PRKCA: variants seen among roughly 807,000 people sequenced by gnomAD.
PRKCA encodes protein kinase C alpha.
Under a neutral mutation model 87.0 loss-of-function variants are expected in PRKCA, and 27 were observed. The ratio of observed to expected loss-of-function variants is 0.31; its 90% CI spans 0.23 to 0.43. The LOEUF (loss-of-function observed/expected upper bound fraction) is 0.43, where lower values mean the gene tolerates loss of function less well. Ranked by LOEUF, PRKCA falls within the 20% of genes least tolerant of loss-of-function variation. The pLI, the probability that PRKCA is intolerant of heterozygous loss-of-function variation, is 1.00. For missense variants in PRKCA, 518 were observed against 852.3 expected (o/e 0.61, Z 4.88); for synonymous variants, 329 against 311.1 (o/e 1.06, Z -0.61).
At chr17:66,514,167 T>C (rs930127287) in intron 3 of PRKCA, among the ~76,000 whole-genome samples, 1 of 152,190 alleles carries the variant, frequency 6.6e-6, no homozygotes, top group Admixed American at 6.5e-5. Context: ...GGTATGTACA[T>C]ATAGGAAAAA....
intron 8 of PRKCA, among the ~76,000 whole-genome samples, chr17:66,731,978 C>T (rs796552611): frequency 1.3e-5 from 2 of 151,138 alleles, no homozygotes; most frequent in African/African-American, 2.4e-5. Flanking sequence ...TTGGTAGAGA[C>T]GGGGTTTCAC....
chr17:66,573,187 C>T (rs1969129186), intron 3 of PRKCA, among the ~76,000 whole-genome samples: 2 of 152,290 alleles, frequency 1.3e-5, no homozygotes, highest in South Asian at 2.1e-4. Flanking sequence ...AGCAGCTCCT[C>T]TCTCAAGGTG....
At chr17:66,765,454 A>ATATATATATATATATATATCTATC (rs1218360664) in intron 13 of PRKCA, among the ~76,000 whole-genome samples, 1 of 130,090 alleles carries the variant, frequency 7.7e-6, no homozygotes, top group African/African-American at 2.9e-5. Context: ...ATATATATAT[A>ATATATATATATATATATATCTATC]TCCATATATA....
chr17:66,701,014 G>A (rs1470646100), intron 8 of PRKCA, among the ~76,000 whole-genome samples: 3 of 152,070 alleles, frequency 2.0e-5, no homozygotes, highest in Non-Finnish European at 4.4e-5. Flanking sequence ...GAGCAAGAAG[G>A]ACGGAGGTAT....
In PRKCA at chr17:66,755,246, C is replaced by A. The variant is rs139432236; in HGVS notation, c.1524+12486C>A. ...GCAGAAAATCGCACCCCACGCCCCC[C>A]CAGTGCACATTCCAGACTTGGAGAA... On this transcript the variant is annotated intron_variant, in intron 13 of 16. Coordinates refer to ENST00000413366, the MANE Select transcript of PRKCA (RefSeq NM_002737.3). Among the ~76,000 whole-genome samples, 41 of 152,344 alleles carry A rather than the reference C, an allele frequency of 2.7e-4. No homozygotes were observed. The East Asian group carries it at 4.1e-3, about 15-fold the overall frequency.
At chr17:66,755,965 C>A (rs756039908) in intron 13 of PRKCA, among the ~76,000 whole-genome samples, 1 of 152,162 alleles carries the variant, frequency 6.6e-6, no homozygotes, top group Non-Finnish European at 1.5e-5. Flanking sequence ...TTACAACTTA[C>A]CAGAACAGAA....
chr17:66,545,893 T>C (rs184043967), intron 3 of PRKCA, among the ~76,000 whole-genome samples: 19 of 152,352 alleles, frequency 1.2e-4, no homozygotes, highest in Admixed American at 5.2e-4. Context: ...AAATTAGATT[T>C]TGTATGAGAA....
chr17:66,398,830 C>A (rs1178457341), intron 2 of PRKCA, among the ~76,000 whole-genome samples: 1 of 152,158 alleles, frequency 6.6e-6, no homozygotes, highest in Admixed American at 6.5e-5. Context: ...CAATTAGGAT[C>A]CTGCTGCTGC....
At chr17:66,574,751 A>G (rs1969182015) in intron 3 of PRKCA, among the ~76,000 whole-genome samples, 2 of 152,280 alleles carry the variant, frequency 1.3e-5, no homozygotes, top group East Asian at 3.9e-4. Flanking sequence ...CTAAATTCCA[A>G]GCACTTCTGG....
intron 3 of PRKCA, among the ~76,000 whole-genome samples, chr17:66,595,663 A>G (rs959349533): frequency 5.3e-4 from 80 of 151,864 alleles, no homozygotes; most frequent in African/African-American, 1.8e-3. Context: ...GGGTTTCACC[A>G]TGTTAGCTAG....
At chr17:66,722,254 G>A (rs1216059184) in intron 8 of PRKCA, among the ~76,000 whole-genome samples, 1 of 152,162 alleles carries the variant, frequency 6.6e-6, no homozygotes, top group Non-Finnish European at 1.5e-5. Flanking sequence ...TGCTGTTAAG[G>A]TGGGTTAGAC....
intron 2 of PRKCA, among the ~76,000 whole-genome samples, chr17:66,345,668 G>T (rs189395777): frequency 1.6e-4 from 25 of 152,164 alleles, no homozygotes; most frequent in African/African-American, 6.0e-4. Context: ...CCTGATTATT[G>T]ACTTATTTCT....
intron 3 of PRKCA, among the ~76,000 whole-genome samples, chr17:66,628,050 C>G (rs532942009): frequency 2.6e-5 from 4 of 152,246 alleles, no homozygotes; most frequent in Non-Finnish European, 5.9e-5. Context: ...GGAGAAAAAC[C>G]AAGGATTAAC....
chr17:66,371,899 G>T (rs1182757373), intron 2 of PRKCA, among the ~76,000 whole-genome samples: 7 of 152,156 alleles, frequency 4.6e-5, no homozygotes, highest in Admixed American at 4.6e-4. Flanking sequence ...CGTATTATAG[G>T]CGTCTCATAT....
At chr17:66,438,190 G>C (rs137903717) in intron 2 of PRKCA, among the ~76,000 whole-genome samples, 125 of 152,270 alleles carry the variant, frequency 8.2e-4, no homozygotes, top group African/African-American at 2.6e-3. Context: ...AAGACCTGCA[G>C]GATTAAAGGA....
Position 66,804,973 on chromosome 17 carries a change from G to C in PRKCA, c.*936G>C. 1.0e-6 allele frequency: 1 copy of C among 984,572 alleles called. No individual in the cohort carries two copies. The highest frequency in any genetic ancestry group is 1.2e-6 in the Non-Finnish European group (1 of 828,930). The allele number at this position is 984,572 out of a possible 1,614,324, so 61.0% of individuals were successfully genotyped here. A position where few individuals can be genotyped will look rare whatever the true frequency, so the allele number is the denominator to read the frequency against. Reference sequence around the variant, plus strand: ...GTTATCCTTCTCAAGAAGCTGAAGTGTACGCCCTCTCCCCTTTTGTGCTTA... The same window carrying C: ...GTTATCCTTCTCAAGAAGCTGAAGTCTACGCCCTCTCCCCTTTTGTGCTTA... On this transcript the variant is annotated 3_prime_UTR_variant, in exon 17 of 17. Coordinates refer to ENST00000413366, the MANE Select transcript of PRKCA (RefSeq NM_002737.3).
chr17:66,610,538 C>T (rs758500189), intron 3 of PRKCA, among the ~76,000 whole-genome samples: 2 of 152,192 alleles, frequency 1.3e-5, no homozygotes, highest in Non-Finnish European at 2.9e-5. Context: ...ACAAAAGACA[C>T]TCCCATCACC....
chr17:66,304,742 C>CACCT (rs1467470654), intron 1 of PRKCA, among the ~76,000 whole-genome samples: 2 of 152,194 alleles, frequency 1.3e-5, no homozygotes, highest in African/African-American at 4.8e-5. Context: ...AAAGCACAGC[C>CACCT]ACCTCTATGA....
intron 2 of PRKCA, among the ~76,000 whole-genome samples, chr17:66,361,040 A>C (rs1389458740): frequency 6.6e-6 from 1 of 151,918 alleles, no homozygotes; most frequent in African/African-American, 2.4e-5. Flanking sequence ...GCTCTCGGTG[A>C]TCTGTGACCA....
Sources: gnomAD v4.1 joint callset for allele counts (sites outside exome capture counted in the v4.1 genomes callset) on GRCh38, gnomAD v4.1.1 for gene constraint, MANE v1.5 for transcripts, NCBI Gene and HGNC (gene_info 2026-07-23, HGNC 2026-07-21) for gene names.